The following ING3 variants were observed in gnomAD, a reference collection of about 807,000 sequenced individuals.
The protein encoded by ING3 is inhibitor of growth protein 3.
In ING3, 6 loss-of-function variants were observed where a neutral mutation model predicts 64.8. The observed-to-expected ratio is 0.09, with a 90% confidence interval of 0.05 to 0.18. The LOEUF (loss-of-function observed/expected upper bound fraction) is 0.18, where lower values mean the gene tolerates loss of function less well. ING3 is among the 10% of genes least tolerant of loss of function. The probability of loss-of-function intolerance (pLI) is 1.00; values close to 1 mark genes in which losing one functional copy is unlikely to be tolerated. For synonymous variants in ING3, 170 were observed against 173.7 expected (o/e 0.98, Z 0.17); for missense variants, 310 against 489.7 (o/e 0.63, Z 3.46).
In ING3 at chr7:120,968,043, A is replaced by G. The variant is rs932530308; in HGVS notation, c.666A>G (p.Ala222=). Residue 222 remains alanine (A), a synonymous_variant, in exon 8 of 12, where the codon GCA becomes GCG. Coordinates refer to ENST00000315870, the MANE Select transcript of ING3 (RefSeq NM_019071.3). ...NIGSLSSGTG[A]GAITMAAAQA... ...GCTCGTTATCTTCAGGAACTGGTGC[A>G]GGGGCAATTACCATGGCAGCTGCTC... The G allele has an allele frequency of 6.2e-7, 1 of 1,614,174 alleles. No individual in the cohort carries two copies. Among genetic ancestry groups the G allele is most frequent in the South Asian group, 1.1e-5 (1 of 91,086 alleles).
chr7:120,968,325 TCA>T (rs1430670260), intron 8 of ING3, among the ~76,000 whole-genome samples: 1 of 152,214 alleles, frequency 6.6e-6, no homozygotes, highest in Non-Finnish European at 1.5e-5. Flanking sequence ...CAGACCCTTC[TCA>T]CAATAACTGC....
chr7:120,950,905 C>T lies in ING3; in HGVS notation c.9C>T (p.Tyr3=), dbSNP rs770084115. The change falls in exon 1 of 12, where the codon TAC becomes TAT. Residue 3 remains tyrosine, a synonymous_variant. Coordinates refer to ENST00000315870, the MANE Select transcript of ING3 (RefSeq NM_019071.3). ML[Y]LEDYLEMIEQ... ...CAGCTCTAAGGGCCGCGATGTTGTA[C>T]CTAGAAGACTATCTGGAAAGTGAGT... The T allele has an allele frequency of 3.1e-6, 5 of 1,613,604 alleles. No homozygotes were observed. Among genetic ancestry groups the T allele is most frequent in the African/African-American group, 1.3e-5 (1 of 74,836 alleles).
chr7:120,961,955 T>C (rs374187934), intron 4 of ING3, among the ~76,000 whole-genome samples: 2 of 152,216 alleles, frequency 1.3e-5, no homozygotes, highest in African/African-American at 4.8e-5. Context: ...ATCAGTCTTA[T>C]GAAAGCAGAT....
intron 9 of ING3, among the ~76,000 whole-genome samples, chr7:120,970,422 G>A (rs1005602276): frequency 1.0e-4 from 15 of 149,024 alleles, no homozygotes; most frequent in Non-Finnish European, 1.5e-4. Flanking sequence ...CAGAGATCGC[G>A]CCACTGCACT....
chr7:120,955,274 G>C (rs746967958), intron 3 of ING3, among the ~76,000 whole-genome samples: 1 of 152,016 alleles, frequency 6.6e-6, no homozygotes, highest in East Asian at 1.9e-4. Flanking sequence ...GATTACAGGC[G>C]CCCACTACCA....
intron 3 of ING3, among the ~76,000 whole-genome samples, chr7:120,955,288 C>G (rs1435434720): frequency 6.6e-6 from 1 of 152,066 alleles, no homozygotes; most frequent in Admixed American, 6.5e-5. Flanking sequence ...ACTACCATGC[C>G]CGGCTAATTT....
rs780993058 is a variant in ING3 at position 120,973,254 on chromosome 7, C to T, written c.1140+11C>T. 2.0e-6 allele frequency: 3 copies of T among 1,501,076 alleles called. No individual in the cohort carries two copies. The highest frequency in any genetic ancestry group is 2.3e-5 in the East Asian group (1 of 43,912). The allele number at this position is 1,501,076 out of a possible 1,614,324, so 93.0% of individuals were successfully genotyped here. On this transcript the variant is annotated intron_variant, in intron 11 of 11. Coordinates refer to ENST00000315870, the MANE Select transcript of ING3 (RefSeq NM_019071.3). ...TGTGATAACCAAGATGTAAGTATTA[C>T]ATTTTTCTATTTAGGAATGAAAAAA...
intron 2 of ING3, 148 bp downstream of exon 2, chr7:120,951,383 T>C: frequency 2.8e-6 from 2 of 720,182 alleles, no homozygotes; most frequent in East Asian, 5.3e-5. Context: ...CTGGCAGCCC[T>C]GAATCTCGCC....
At chr7:120,971,445 G>A (rs981159299) in intron 10 of ING3, among the ~76,000 whole-genome samples, 14 of 152,148 alleles carry the variant, frequency 9.2e-5, no homozygotes, top group Non-Finnish European at 1.8e-4. Context: ...AGTCACGTTG[G>A]GGGTTAGGGC....
At chr7:120,958,462 T>C (rs1795883877) in intron 4 of ING3, among the ~76,000 whole-genome samples, 3 of 152,192 alleles carry the variant, frequency 2.0e-5, no homozygotes, top group Non-Finnish European at 4.4e-5. Flanking sequence ...CTTCTTTGGC[T>C]TTTGTAAATG....
At chr7:120,951,033 C>T (rs1047365674) in intron 1 of ING3, 109 bp downstream of exon 1, 7 of 1,516,824 alleles carry the variant, frequency 4.6e-6, no homozygotes, top group Non-Finnish European at 5.5e-6. Context: ...GGGGATGTTT[C>T]TTTCTCACGG....
rs1006600497 is a variant in ING3, at chr7:120,976,378, G to A, written c.*1534G>A. ...TGTGAGGTAGATAGGGGATTTCAAA[G>A]ATCTCTTCCACCTTTGAGATCCCAT... On this transcript the variant is annotated 3_prime_UTR_variant, in exon 12 of 12. Transcript: ENST00000315870. The A allele has an allele frequency of 5.3e-5, 8 of 152,048 alleles. No individual in the cohort carries two copies. The highest frequency in any genetic ancestry group is 5.2e-4 in the Admixed American group (8 of 15,268). The allele number at this position is 152,048 out of a possible 1,614,324, so 9.4% of individuals were successfully genotyped here. A position where few individuals can be genotyped will look rare whatever the true frequency, so the allele number is the denominator to read the frequency against.
intron 10 of ING3, among the ~76,000 whole-genome samples, chr7:120,971,793 A>G (rs530831501): frequency 8.5e-5 from 13 of 152,274 alleles, no homozygotes; most frequent in East Asian, 1.9e-4. Context: ...TTTCTTGGAT[A>G]ATCTTTTAGA....
chr7:120,959,935 A>G (rs1008677260), intron 4 of ING3, among the ~76,000 whole-genome samples: 3 of 151,992 alleles, frequency 2.0e-5, no homozygotes, highest in Admixed American at 6.6e-5. Flanking sequence ...GTGAGCCACC[A>G]CACCTGGCCT....
At chr7:120,962,338 A>T (rs1795944400) in intron 4 of ING3, among the ~76,000 whole-genome samples, 1 of 152,136 alleles carries the variant, frequency 6.6e-6, no homozygotes. Context: ...TCTTATAAAG[A>T]TGCCTACCAC....
At chr7:120,951,041 C>T in intron 1 of ING3, 117 bp downstream of exon 1, 1 of 1,508,906 alleles carries the variant, frequency 6.6e-7, no homozygotes, top group South Asian at 1.1e-5. Flanking sequence ...TTCTTTCTCA[C>T]GGTAACTGGC....
At chr7:120,965,896 T>A (rs1795991238) in intron 5 of ING3, among the ~76,000 whole-genome samples, 2 of 152,206 alleles carry the variant, frequency 1.3e-5, no homozygotes, top group African/African-American at 4.8e-5. Context: ...TTTGATTTTT[T>A]AAAAATGCTG....
At chr7:120,955,971 T>C (rs1795840322) in intron 4 of ING3, 1 of 587,686 alleles carries the variant, frequency 1.7e-6, no homozygotes, top group Non-Finnish European at 3.0e-6. Flanking sequence ...CATTTTGAGA[T>C]TGTTTCTGTG....
Position 120,974,831 on chromosome 7 carries a change from G to A in ING3, c.1244G>A (p.Ser415Asn). ...QCTAAMKRRG[S>N]RHK is the part of the protein sequence containing the mutation. ...ACTGCTGCAATGAAGAGAAGAGGCAGCAGACACAAATAAAGGTGGTCCTTT... is the reference window on the plus strand; with the variant it reads ...ACTGCTGCAATGAAGAGAAGAGGCAACAGACACAAATAAAGGTGGTCCTTT... Residue 415 changes from serine (S) to asparagine (N), a missense_variant, in exon 12 of 12, where the codon AGC (serine) becomes AAC (asparagine). Ser to Asn is a conservative substitution (Grantham distance 46). Around this residue, in one of 3 missense-constraint regions of ING3, gnomAD observed 24 missense variants for 84.1 expected, o/e 0.29. Transcript: ENST00000315870. The A allele has an allele frequency of 6.2e-7, 1 of 1,608,108 alleles. No individual in the cohort carries two copies. The highest frequency in any genetic ancestry group is 8.5e-7 in the Non-Finnish European group (1 of 1,176,116).
Sources: gnomAD v4.1 joint callset for allele counts (sites outside exome capture counted in the v4.1 genomes callset) on GRCh38, gnomAD v4.1.1 for gene constraint, gnomAD v4.1.1 regional missense constraint, MANE v1.5 for transcripts, NCBI Gene and HGNC (gene_info 2026-07-23, HGNC 2026-07-21) for gene names.